Variants in TP73 observed in about 807,000 individuals in gnomAD.
TP73 encodes the protein p53-like transcription factor.
In TP73, 25 loss-of-function variants were observed where a neutral mutation model predicts 62.5. The observed-to-expected ratio is 0.40, with a 90% CI of 0.29 to 0.56. The LOEUF is 0.56. Among genes scored for constraint, TP73 ranks in the 20% least tolerant of loss-of-function variants. The pLI, the probability that TP73 is intolerant of heterozygous loss-of-function variation, is 0.46. For missense variants in TP73, 754 were observed against 913.3 expected (o/e 0.83, Z 2.25); for synonymous variants, 423 against 377.5 (o/e 1.12, Z -1.40).
Position 3,727,188 on chromosome 1 carries a change from G to A in TP73, c.806G>A (p.Arg269Gln), listed in dbSNP as rs768314469. 2.5e-6 allele frequency: 4 copies of A among 1,612,158 alleles called. No individual in the cohort carries two copies. The highest frequency in any genetic ancestry group is 3.4e-6 in the Non-Finnish European group (4 of 1,179,580). Residue 269 changes from arginine (R) to glutamine (Q), a missense_variant, in exon 7 of 14, where the codon CGG (arginine) becomes CAG (glutamine). Physicochemically the swap from Arg to Gln is conservative, Grantham distance 43. This residue lies in a region of TP73 where 61 missense variants were observed against 133.2 expected (regional missense o/e 0.46). Coordinates refer to ENST00000378295, the MANE Select transcript of TP73 (RefSeq NM_005427.4). The stretch of plus-strand genomic sequence containing the variant: ...AGCTGTGTAGGGGGCATGAACCGGC[G>A]GCCCATCCTCATCATCATCACCCTG... ...NSSCVGGMNR[R>Q]PILIIITLEM...
intron 4 of TP73, among the ~76,000 whole-genome samples, chr1:3,713,210 G>A (rs955596878): frequency 6.6e-6 from 1 of 152,238 alleles, no homozygotes; most frequent in Non-Finnish European, 1.5e-5. Flanking sequence ...GTTGACAAAG[G>A]AAAATCCCTC....
Position 3,666,869 on chromosome 1 carries a change from G to A in TP73, c.-34+14228G>A, listed in dbSNP as rs1229371645. On this transcript the variant is annotated intron_variant, in intron 1 of 13. Coordinates refer to ENST00000378295, the MANE Select transcript of TP73 (RefSeq NM_005427.4). The surrounding 1 kb of genome is among the most constrained non-coding windows in gnomAD (Gnocchi z 6.4). Reference sequence around the variant, plus strand: ...ATGTTTTTCAATGAGGGACATTTATGGTTGGCAAAAAAAAGTGGCTCCCCA... The same window carrying A: ...ATGTTTTTCAATGAGGGACATTTATAGTTGGCAAAAAAAAGTGGCTCCCCA... 6.6e-6 allele frequency among the ~76,000 whole-genome samples: 1 copy of A among 152,110 alleles called. No homozygotes were observed. The highest frequency in any genetic ancestry group is 1.9e-4 in the East Asian group (1 of 5,190).
rs79442197 is a variant in TP73 at position 3,681,839 on chromosome 1, C to T, written c.-33-494C>T. 3.3e-3 allele frequency among the ~76,000 whole-genome samples: 498 copies of T among 151,880 alleles called. 3 individuals carry two copies. Among genetic ancestry groups the T allele is most frequent in the African/African-American group, 0.012 (481 of 41,334 alleles). On this transcript the variant is annotated intron_variant, in intron 1 of 13. Transcript: ENST00000378295. ...CTGGCTGCATCCCCCAGGCCAAACC[C>T]AGACACAGGGGATCGTAACAGACCA...
At chr1:3,660,580 C>T (rs1416407155) in intron 1 of TP73, among the ~76,000 whole-genome samples, 1 of 152,212 alleles carries the variant, frequency 6.6e-6, no homozygotes, top group Non-Finnish European at 1.5e-5. Flanking sequence ...GGAGAAAAGT[C>T]ATCATTTCAA....
chr1:3,677,551 G>A (rs1048361110), intron 1 of TP73, among the ~76,000 whole-genome samples: 22 of 152,146 alleles, frequency 1.4e-4, no homozygotes, highest in Non-Finnish European at 1.5e-5. Context: ...AGGGCTGGGG[G>A]GGTGCCGGCC....
chr1:3,723,331 G>A (rs1222783728), intron 5 of TP73, 23 bp from the exon 6 acceptor site: 2 of 1,603,148 alleles, frequency 1.2e-6, no homozygotes, highest in Non-Finnish European at 8.5e-7. Context: ...GCACCTCTCT[G>A]AAGTGTCGAC....
chr1:3,707,885 G>A (rs1320582188), intron 4 of TP73, 94 bp downstream of exon 4: 27 of 1,496,042 alleles, frequency 1.8e-5, no homozygotes, highest in Admixed American at 4.1e-5. Flanking sequence ...GTCTGAGCTC[G>A]CCCCACTGTC....
chr1:3,685,499 T>C (rs1400970075), intron 3 of TP73, among the ~76,000 whole-genome samples: 1 of 152,234 alleles, frequency 6.6e-6, no homozygotes, highest in Non-Finnish European at 1.5e-5. Context: ...GGCCCAGGCC[T>C]GCGTGGGGAG....
At chr1:3,655,932 T>C (rs1044608661) in intron 1 of TP73, among the ~76,000 whole-genome samples, 5 of 152,218 alleles carry the variant, frequency 3.3e-5, no homozygotes, top group African/African-American at 1.2e-4. Flanking sequence ...AATCCCAGCA[T>C]TTTGGGAGGC....
At chr1:3,722,295 T>G in intron 5 of TP73, 88 bp downstream of exon 5, 1 of 1,486,780 alleles carries the variant, frequency 6.7e-7, no homozygotes, top group Non-Finnish European at 9.2e-7. Flanking sequence ...TGGGAGAGAG[T>G]GGGGCTGACA....
rs1638933269 is a variant in TP73, at chr1:3,699,107, G to C, written c.187-8442G>C. On this transcript the variant is annotated intron_variant, in intron 3 of 13. Transcript: ENST00000378295. This position sits in a 1 kb window ranked among gnomAD's most constrained non-coding sequence, Gnocchi z 4.1. ...GAGGGTGCTGTGGATGAGAGCAGAGGGTGCTGTGTGCACATTGTCGGGAGA... is the reference window on the plus strand; with the variant it reads ...GAGGGTGCTGTGGATGAGAGCAGAGCGTGCTGTGTGCACATTGTCGGGAGA... 6.6e-6 allele frequency among the ~76,000 whole-genome samples: 1 copy of C among 152,158 alleles called. No homozygotes were observed. The highest frequency in any genetic ancestry group is 2.4e-5 in the African/African-American group (1 of 41,424).
intron 1 of TP73, among the ~76,000 whole-genome samples, chr1:3,665,715 C>T (rs1645096975): frequency 6.7e-6 from 1 of 148,622 alleles, no homozygotes; most frequent in Non-Finnish European, 1.5e-5. Context: ...AGTGCAGTGG[C>T]ATGATCTTGG....
At chr1:3,697,174 C>T (rs1408600037) in intron 3 of TP73, among the ~76,000 whole-genome samples, 2 of 107,584 alleles carry the variant, frequency 1.9e-5, no homozygotes, top group Non-Finnish European at 4.3e-5. Flanking sequence ...CCGCGGCCCA[C>T]GTCGCACCCG....
chr1:3,731,459 G>C lies in TP73; in HGVS notation c.1485-4G>C. On this transcript the variant is annotated splice_polypyrimidine_tract_variant and splice_region_variant and intron_variant, in intron 12 of 13. Coordinates refer to ENST00000378295, the MANE Select transcript of TP73 (RefSeq NM_005427.4). ...CTGCTTCCTTTCTCAAATTCTCTCT[G>C]CAGTTTTTTAACAGGATTGGGGTGT... 1 of 1,613,318 alleles carries C rather than the reference G, an allele frequency of 6.2e-7. No individual in the cohort carries two copies. The highest frequency in any genetic ancestry group is 1.1e-5 in the South Asian group (1 of 91,064).
chr1:3,658,156 T>C (rs1018770809), intron 1 of TP73, among the ~76,000 whole-genome samples: 4 of 152,150 alleles, frequency 2.6e-5, no homozygotes, highest in African/African-American at 7.2e-5. Flanking sequence ...GCAGGTCTCA[T>C]GGAGCAGGGA....
rs1189401044 is a variant in TP73, at chr1:3,734,269, G to A, written c.*1190G>A. Reference sequence around the variant, plus strand: ...CGTGGAGCACCCCAGGGAGTTAGTAGGCCCCGGGGAGACAGAGTCTGCACA... The same window carrying A: ...CGTGGAGCACCCCAGGGAGTTAGTAAGCCCCGGGGAGACAGAGTCTGCACA... On this transcript the variant is annotated 3_prime_UTR_variant, in exon 14 of 14. Transcript: ENST00000378295. The surrounding 1 kb of genome is among the most constrained non-coding windows in gnomAD (Gnocchi z 4.4). The A allele has an allele frequency of 6.6e-6, 1 of 152,250 alleles. No individual in the cohort carries two copies. The highest frequency in any genetic ancestry group is 1.5e-5 in the Non-Finnish European group (1 of 68,084). 9.4% of individuals were successfully genotyped at this position (152,250 alleles called of 1,614,324 possible). A position where few individuals can be genotyped will look rare whatever the true frequency, so the allele number is the denominator to read the frequency against.
chr1:3,690,303 G>A (rs1366250614), intron 3 of TP73, among the ~76,000 whole-genome samples: 1 of 152,130 alleles, frequency 6.6e-6, no homozygotes, highest in African/African-American at 2.4e-5. Context: ...GCGGACCACC[G>A]AGTTCCCCGC....
At chr1:3,707,812 A>AGGGCTGC (rs565515099) in intron 4 of TP73, 21 bp downstream of exon 4, 77 of 1,606,730 alleles carry the variant, frequency 4.8e-5, no homozygotes, top group East Asian at 1.8e-4. Context: ...CTAGTCCCTG[A>AGGGCTGC]GGGCTGCGGG....
chr1:3,679,140 C>T (rs1399091430), intron 1 of TP73, among the ~76,000 whole-genome samples: 1 of 152,218 alleles, frequency 6.6e-6, no homozygotes, highest in African/African-American at 2.4e-5. Context: ...CTCCGGCAGG[C>T]AGAGGCGCGC....
Sources: gnomAD v4.1 joint callset for allele counts (sites outside exome capture counted in the v4.1 genomes callset) on GRCh38, gnomAD v4.1.1 for gene constraint, gnomAD v4.1.1 regional missense constraint, Gnocchi (gnomAD v3.1) non-coding constraint, MANE v1.5 for transcripts, NCBI Gene and HGNC (gene_info 2026-07-23, HGNC 2026-07-21) for gene names.